GTF2IRD1: variants seen among roughly 807,000 people sequenced by gnomAD.
GTF2IRD1 encodes the protein GTF2I repeat domain containing 1.
A neutral mutation model predicts 113.2 loss-of-function variants in GTF2IRD1; 26 were observed. The ratio of observed to expected loss-of-function variants is 0.23; its 90% confidence interval spans 0.17 to 0.32. The LOEUF (loss-of-function observed/expected upper bound fraction) is 0.32. Ranked by LOEUF, GTF2IRD1 falls within the 10% of genes least tolerant of loss-of-function variation. GTF2IRD1 has a pLI of 1.00. For missense variants in GTF2IRD1, 864 were observed against 1,280.8 expected (o/e 0.67, Z 4.97); for synonymous variants, 484 against 529.1 (o/e 0.91, Z 1.17).
rs1030145333 is a variant in GTF2IRD1, at chr7:74,499,944, A to G, written c.-6-8131A>G. On this transcript the variant is annotated intron_variant, in intron 1 of 26. Coordinates refer to ENST00000424337, the MANE Select transcript of GTF2IRD1 (RefSeq NM_005685.4). ...CACACAGGAATGAGTGAATGAATACACACAAAGGAATGAATGTACACATCA... is the reference window on the plus strand; with the variant it reads ...CACACAGGAATGAGTGAATGAATACGCACAAAGGAATGAATGTACACATCA... Among the ~76,000 whole-genome samples the G allele has an allele frequency of 2.0e-5, 3 of 152,366 alleles. No homozygotes were observed. In the South Asian group the frequency reaches 6.2e-4, roughly 32 times the overall value.
chr7:74,545,048 C>A (rs1359362399), intron 15 of GTF2IRD1, among the ~76,000 whole-genome samples: 1 of 152,162 alleles, frequency 6.6e-6, no homozygotes, highest in Non-Finnish European at 1.5e-5. Flanking sequence ...AGGAAAATTG[C>A]AAGCCTTTGT....
At chr7:74,578,433 C>T (rs1485986659) in intron 22 of GTF2IRD1, among the ~76,000 whole-genome samples, 1 of 152,198 alleles carries the variant, frequency 6.6e-6, no homozygotes, top group Non-Finnish European at 1.5e-5. Flanking sequence ...GCCTCAGCCT[C>T]CCAAAATGCT....
At chr7:74,544,625 G>C (rs587732538) in intron 14 of GTF2IRD1, 130 bp from the exon 15 acceptor site, 16 of 765,316 alleles carry the variant, frequency 2.1e-5, no homozygotes, top group South Asian at 2.0e-4. Flanking sequence ...TGATCCCATT[G>C]GAGTGGGTGC....
chr7:74,512,939 A>G lies in GTF2IRD1; in HGVS notation c.233A>G (p.Lys78Arg). The change falls in exon 3 of 27, where the codon AAG becomes AGG. Residue 78 changes from lysine (K) to arginine (R), a missense_variant. This residue lies in a region of GTF2IRD1 where 182 missense variants were observed against 266.6 expected (regional missense o/e 0.68). Transcript: ENST00000424337. The surrounding 1 kb of genome is among the most constrained non-coding windows in gnomAD (Gnocchi z 4.4). Reference protein sequence around the residue: ...EKGRMFLNARKELQSDFLRFC... With the variant: ...EKGRMFLNARRELQSDFLRFC... ...GGGAGAATGTTCCTGAATGCCCGGAAGGAGCTACAGTCAGACTTCCTCAGG... is the reference window on the plus strand; with the variant it reads ...GGGAGAATGTTCCTGAATGCCCGGAGGGAGCTACAGTCAGACTTCCTCAGG... The G allele has an allele frequency of 6.2e-7, 1 of 1,614,114 alleles. No individual in the cohort carries two copies. The highest frequency in any genetic ancestry group is 1.1e-5 in the South Asian group (1 of 91,084).
chr7:74,479,666 G>T (rs1443123584), intron 1 of GTF2IRD1, among the ~76,000 whole-genome samples: 1 of 151,638 alleles, frequency 6.6e-6, no homozygotes, highest in African/African-American at 2.4e-5. Flanking sequence ...TGCCTCACCC[G>T]CCGTCCTGGG....
chr7:74,465,725 C>A (rs895246901), intron 1 of GTF2IRD1, among the ~76,000 whole-genome samples: 2 of 152,110 alleles, frequency 1.3e-5, no homozygotes, highest in African/African-American at 4.8e-5. Flanking sequence ...CTGGGACACA[C>A]CCCCTCTGTC....
chr7:74,503,217 C>A (rs1554339997), intron 1 of GTF2IRD1, among the ~76,000 whole-genome samples: 1 of 151,898 alleles, frequency 6.6e-6, no homozygotes, highest in Non-Finnish European at 1.5e-5. Flanking sequence ...GGAGCGGTCA[C>A]CTCTGATGAG....
chr7:74,550,397 C>G (rs1799236731), intron 17 of GTF2IRD1, among the ~76,000 whole-genome samples: 1 of 150,580 alleles, frequency 6.6e-6, no homozygotes, highest in African/African-American at 2.5e-5. Context: ...AATTCTCAGC[C>G]TGAGCAATGT....
intron 17 of GTF2IRD1, among the ~76,000 whole-genome samples, chr7:74,547,834 G>C (rs1404329952): frequency 1.2e-4 from 18 of 150,324 alleles, no homozygotes; most frequent in African/African-American, 4.2e-4. Context: ...GGCTCCCCAG[G>C]CCTGCCAGAC....
chr7:74,538,652 G>A (rs782514707), intron 12 of GTF2IRD1, 28 bp from the exon 13 acceptor site: 21 of 1,352,064 alleles, frequency 1.6e-5, no homozygotes, highest in Non-Finnish European at 2.0e-5. Context: ...TGCCAGACTT[G>A]ACAGGATTCT....
chr7:74,525,542 G>A (rs1797549002), intron 8 of GTF2IRD1, among the ~76,000 whole-genome samples: 1 of 152,184 alleles, frequency 6.6e-6, no homozygotes, highest in Non-Finnish European at 1.5e-5. Context: ...ACTTGAGCTC[G>A]AGAGTTCGAG....
intron 1 of GTF2IRD1, among the ~76,000 whole-genome samples, chr7:74,484,449 CCTT>C (rs1302699732): frequency 2.0e-5 from 3 of 148,332 alleles, no homozygotes; most frequent in Admixed American, 6.7e-5. Context: ...ACCCGGCCAT[CCTT>C]CTTTTTTTTT....
intron 1 of GTF2IRD1, among the ~76,000 whole-genome samples, chr7:74,456,153 C>T (rs1792959743): frequency 6.6e-6 from 1 of 152,164 alleles, no homozygotes; most frequent in African/African-American, 2.4e-5. Context: ...TGAGTGGCAG[C>T]TGTAATCTAG....
rs543807667 is a variant in GTF2IRD1, at chr7:74,505,195, T to A, written c.-6-2880T>A. Among the ~76,000 whole-genome samples the A allele has an allele frequency of 2.5e-4, 38 of 152,262 alleles. No individual in the cohort carries two copies. In the South Asian group the frequency reaches 7.3e-3, roughly 29 times the overall value. On this transcript the variant is annotated intron_variant, in intron 1 of 26. Transcript: ENST00000424337. ...CCACCGCACCCGGCCTCTGCCTTCA[T>A]TTTCTGTTTAGAACCATTCCCACTT... is the stretch of plus-strand genomic sequence containing the variant.
In GTF2IRD1 at chr7:74,536,240, T is replaced by C. The variant is rs782430355; in HGVS notation, c.1374T>C (p.Ser458=). ...SPPEDTSAEV[S]RATVLDLAGN... Reference sequence around the variant, plus strand: ...CAGAGGACACCTCTGCAGAGGTCTCTAGGGCCACCGTCCTTGACCTTGCTG... The same window carrying C: ...CAGAGGACACCTCTGCAGAGGTCTCCAGGGCCACCGTCCTTGACCTTGCTG... The change falls in exon 11 of 27, where the codon TCT becomes TCC. Residue 458 remains serine, a synonymous_variant. Coordinates refer to ENST00000424337, the MANE Select transcript of GTF2IRD1 (RefSeq NM_005685.4). 2 of 1,611,996 alleles carry C rather than the reference T, an allele frequency of 1.2e-6. No individual in the cohort carries two copies. The highest frequency in any genetic ancestry group is 1.7e-6 in the Non-Finnish European group (2 of 1,178,186).
chr7:74,584,265 A>ATGGTG, intron 22 of GTF2IRD1, among the ~76,000 whole-genome samples: 1 of 152,070 alleles, frequency 6.6e-6, no homozygotes, highest in South Asian at 2.1e-4. Flanking sequence ...GCAGCATAAC[A>ATGGTG]AAACCCCATC....
chr7:74,534,634 T>G lies in GTF2IRD1; in HGVS notation c.1275-479T>G, dbSNP rs1025136454. On this transcript the variant is annotated intron_variant, in intron 9 of 26. Coordinates refer to ENST00000424337, the MANE Select transcript of GTF2IRD1 (RefSeq NM_005685.4). The stretch of plus-strand genomic sequence containing the variant: ...GCGAGGCTGACAATGACTCCTGTTT[T>G]CACGCTGAGAGACCCCACTCCCCTG... Among the ~76,000 whole-genome samples the G allele has an allele frequency of 3.3e-5, 5 of 151,976 alleles. No homozygotes were observed. The East Asian group carries it at 9.7e-4, about 30-fold the overall frequency.
At chr7:74,560,581 TAGAG>T (rs1302876701) in intron 22 of GTF2IRD1, among the ~76,000 whole-genome samples, 2 of 147,522 alleles carry the variant, frequency 1.4e-5, no homozygotes, top group East Asian at 1.9e-4. Context: ...AAATATTATA[TAGAG>T]AGAGAGAGAG....
chr7:74,532,314 A>T (rs1798007170), intron 9 of GTF2IRD1, among the ~76,000 whole-genome samples: 1 of 152,162 alleles, frequency 6.6e-6, no homozygotes, highest in African/African-American at 2.4e-5. Context: ...AGCACTTGGA[A>T]AGGCTGAGAC....
Sources: allele counts gnomAD v4.1 joint callset (sites outside exome capture counted in the v4.1 genomes callset), GRCh38; gene constraint gnomAD v4.1.1; regional missense constraint gnomAD v4.1.1; non-coding constraint Gnocchi (gnomAD v3.1); transcripts MANE v1.5; gene names NCBI Gene and HGNC (gene_info 2026-07-23, HGNC 2026-07-21).